ZC4H2: variants seen among roughly 807,000 people sequenced by gnomAD.
ZC4H2 encodes the protein zinc finger C4H2 domain-containing protein.
For missense variants in ZC4H2, 137 were observed against 173.9 expected (o/e 0.79, Z 1.19); for synonymous variants, 84 against 66.3 (o/e 1.27, Z -1.30).
At chrX:64,957,861 CAAAAATAAAAAAAAAT>C (rs1306603851) in intron 1 of ZC4H2, among the ~76,000 whole-genome samples, 1 of 108,440 alleles carries the variant, frequency 9.2e-6, no homozygotes, top group Non-Finnish European at 1.9e-5. Context: ...GACCAGGTTT[CAAAAATAAAAAAAAAT>C]AAAAATAAAA....
intron 1 of ZC4H2, among the ~76,000 whole-genome samples, chrX:65,000,038 C>T (rs2147278670): frequency 8.9e-6 from 1 of 112,401 alleles, no homozygotes; most frequent in African/African-American, 3.2e-5. Flanking sequence ...AACGTTCATG[C>T]CTGCCAGCTC....
intron 1 of ZC4H2, among the ~76,000 whole-genome samples, chrX:64,922,997 A>C (rs1929276360): frequency 8.9e-6 from 1 of 111,779 alleles, no homozygotes; most frequent in Non-Finnish European, 1.9e-5. Context: ...TGGTCATTAA[A>C]TCCCAATTGT....
upstream of ZC4H2, among the ~76,000 whole-genome samples, chrX:64,977,331 C>G (rs1931980457): frequency 9.1e-6 from 1 of 110,442 alleles, no homozygotes. Flanking sequence ...TTCAGAGTGC[C>G]TGAAATATAG....
At chrX:65,013,223 G>A (rs1335243394) in intron 1 of ZC4H2, among the ~76,000 whole-genome samples, 1 of 111,885 alleles carries the variant, frequency 8.9e-6, no homozygotes, top group Non-Finnish European at 1.9e-5. Flanking sequence ...AGGGCAATCA[G>A]GAAACAGTGA....
intron 1 of ZC4H2, among the ~76,000 whole-genome samples, chrX:64,932,440 G>T (rs1319072134): frequency 9.0e-6 from 1 of 111,148 alleles, no homozygotes; most frequent in Non-Finnish European, 1.9e-5. Flanking sequence ...TTTTCATTGT[G>T]TTACTGTTTT....
At chrX:65,024,465 C>A (rs1932861100) in intron 1 of ZC4H2, among the ~76,000 whole-genome samples, 1 of 111,400 alleles carries the variant, frequency 9.0e-6, no homozygotes, top group African/African-American at 3.3e-5. Context: ...TGGAAAACAG[C>A]TTAAAGATGT....
At chrX:64,954,051 A>G (rs1227102043) in intron 1 of ZC4H2, among the ~76,000 whole-genome samples, 2 of 107,701 alleles carry the variant, frequency 1.9e-5, no homozygotes, top group Non-Finnish European at 3.8e-5. Flanking sequence ...CATCATTCTC[A>G]GCAAACTATC....
intron 1 of ZC4H2, among the ~76,000 whole-genome samples, chrX:64,944,772 C>T (rs993719380): frequency 2.0e-4 from 22 of 111,193 alleles, no homozygotes; most frequent in South Asian, 7.7e-4. Flanking sequence ...AGGCTTTGTT[C>T]GCTCCTTTTC....
chrX:64,931,725 T>G (rs536121047), intron 1 of ZC4H2, among the ~76,000 whole-genome samples: 8 of 112,048 alleles, frequency 7.1e-5, no homozygotes, highest in South Asian at 7.3e-4. Flanking sequence ...ATGCTTGATA[T>G]AATTTTGATT....
chrX:65,001,433 T>C (rs1932532472), intron 1 of ZC4H2, among the ~76,000 whole-genome samples: 1 of 111,509 alleles, frequency 9.0e-6, no homozygotes, highest in Non-Finnish European at 1.9e-5. Context: ...TTACAAGAGA[T>C]CCTGAAGGAA....
chrX:64,922,106 C>T, intron 1 of ZC4H2, 118 bp from the exon 2 acceptor site: 1 of 1,101,623 alleles, frequency 9.1e-7, no homozygotes, highest in South Asian at 2.4e-5. Flanking sequence ...GCAGAGCCAA[C>T]CTGAGGCCAT....
At chrX:64,936,590 G>A (rs1161920449) in intron 1 of ZC4H2, among the ~76,000 whole-genome samples, 1 of 111,870 alleles carries the variant, frequency 8.9e-6, no homozygotes, top group African/African-American at 3.3e-5. Context: ...AGAAACCCTA[G>A]AAGCCAGAAG....
intron 1 of ZC4H2, among the ~76,000 whole-genome samples, chrX:65,005,428 A>G (rs959158285): frequency 3.6e-5 from 4 of 111,415 alleles, no homozygotes; most frequent in Non-Finnish European, 7.5e-5. Context: ...ATAATGCCAC[A>G]CATCTAGAAC....
At chrX:64,947,031 T>C (rs1472259570) in intron 1 of ZC4H2, among the ~76,000 whole-genome samples, 2 of 111,851 alleles carry the variant, frequency 1.8e-5, no homozygotes, top group African/African-American at 3.2e-5. Context: ...CAATTTTTGA[T>C]ATTTTTCAGC....
rs1186616552 is a variant in ZC4H2 at position 64,922,088 on chromosome X, C to T, written c.54-100G>A. The T allele has an allele frequency of 4.5e-6, 5 of 1,122,454 alleles. No individual in the cohort carries two copies. In the African/African-American group the frequency reaches 7.4e-5, roughly 17 times the overall value. 92.5% of individuals were successfully genotyped at this position (1,122,454 alleles called of 1,213,427 possible). A position where few individuals can be genotyped will look rare whatever the true frequency, so the allele number is the denominator to read the frequency against. On this transcript the variant is annotated intron_variant, in intron 1 of 4. Transcript: ENST00000374839. ...CTAAGCCATCTTTACAAGCTTCCCC[C>T]TCTCCAGGCAGAGCCAACCTGAGGC... is the stretch of plus-strand genomic sequence containing the variant.
At chrX:64,968,863 T>A (rs1931680584) in intron 1 of ZC4H2, among the ~76,000 whole-genome samples, 1 of 111,546 alleles carries the variant, frequency 9.0e-6, no homozygotes, top group South Asian at 3.8e-4. Flanking sequence ...GTCCGAAGGC[T>A]AGGAAGTTTA....
chrX:64,955,586 A>C (rs1253450146), intron 1 of ZC4H2, among the ~76,000 whole-genome samples: 1 of 111,748 alleles, frequency 8.9e-6, no homozygotes, highest in African/African-American at 3.2e-5. Context: ...AAGTAAAGCT[A>C]ACCTGGGAAG....
At chrX:64,973,934 T>C (rs1411679675) in intron 1 of ZC4H2, among the ~76,000 whole-genome samples, 1 of 111,479 alleles carries the variant, frequency 9.0e-6, no homozygotes, top group African/African-American at 3.3e-5. Context: ...TTGATTACAA[T>C]GTGTTTTGGA....
At chrX:64,936,433 A>T (rs778245318) in intron 1 of ZC4H2, among the ~76,000 whole-genome samples, 1 of 111,097 alleles carries the variant, frequency 9.0e-6, no homozygotes, top group Non-Finnish European at 1.9e-5. Context: ...CACCTCAAAG[A>T]TACTCCTTGA....
Sources: gnomAD v4.1 joint callset for allele counts (sites outside exome capture counted in the v4.1 genomes callset) on GRCh38, gnomAD v4.1.1 for gene constraint, MANE v1.5 for transcripts, NCBI Gene and HGNC (gene_info 2026-07-23, HGNC 2026-07-21) for gene names.